The following HDAC9 variants were observed in gnomAD, a reference collection of about 807,000 sequenced individuals.
The protein encoded by HDAC9 is histone deacetylase 9.
A neutral mutation model predicts 139.4 loss-of-function variants in HDAC9; 41 were observed. That is an observed-to-expected ratio of 0.29 (90% CI 0.23 to 0.38). The LOEUF (loss-of-function observed/expected upper bound fraction) is 0.38, where lower values mean the gene tolerates loss of function less well. Among genes scored for constraint, HDAC9 ranks in the 10% least tolerant of loss-of-function variants. HDAC9 has a pLI of 1.00. For missense variants in HDAC9, 1,147 were observed against 1,297.0 expected (o/e 0.88, Z 1.78); for synonymous variants, 517 against 476.2 (o/e 1.09, Z -1.12).
At chr7:18,247,006 A>C (rs1562790346) in intron 2 of HDAC9, among the ~76,000 whole-genome samples, 1 of 152,114 alleles carries the variant, frequency 6.6e-6, no homozygotes, top group South Asian at 2.1e-4. Flanking sequence ...AACGTGAGCA[A>C]CTGGAAGGAT....
rs549327148 is a variant in HDAC9, at chr7:18,114,792, G to A, written c.-97+27579G>A. On this transcript the variant is annotated intron_variant, in intron 1 of 12. Coordinates refer to the HDAC9 transcript ENST00000417496. ...CTGCCTGATAATACTTTTTATATCTGAACGATTTAAACAAATATAGCTGCA... is the reference window on the plus strand; with the variant it reads ...CTGCCTGATAATACTTTTTATATCTAAACGATTTAAACAAATATAGCTGCA... 5.1e-4 allele frequency among the ~76,000 whole-genome samples: 78 copies of A among 152,184 alleles called. 1 individual carries two copies. The highest frequency in any genetic ancestry group is 1.1e-3 in the Non-Finnish European group (73 of 68,036).
intron 1 of HDAC9, among the ~76,000 whole-genome samples, chr7:18,116,972 A>G (rs1784032540): frequency 6.6e-6 from 1 of 152,230 alleles, no homozygotes; most frequent in African/African-American, 2.4e-5. Context: ...TTTTTGTTAC[A>G]ATCATTCTGA....
At chr7:18,437,525 A>ATG (rs990199885) in intron 1 of HDAC9, among the ~76,000 whole-genome samples, 4 of 150,496 alleles carry the variant, frequency 2.7e-5, no homozygotes, top group African/African-American at 9.7e-5. Flanking sequence ...CTTCCAGATA[A>ATG]TGTGTATATA....
At chr7:18,736,949 G>A (rs1227639156) in intron 13 of HDAC9, among the ~76,000 whole-genome samples, 2 of 151,880 alleles carry the variant, frequency 1.3e-5, no homozygotes, top group Non-Finnish European at 2.9e-5. Context: ...AACTTCTTCC[G>A]GCTTTAGTCT....
intron 2 of HDAC9, among the ~76,000 whole-genome samples, chr7:18,540,420 G>A (rs1388082491): frequency 6.6e-6 from 1 of 151,882 alleles, no homozygotes; most frequent in Non-Finnish European, 1.5e-5. Flanking sequence ...AATATTCATT[G>A]AATCCTAATG....
rs114607859 is a variant in HDAC9 at position 18,896,029 on chromosome 7, G to A, written c.2803+21433G>A. ...AAGAAAATCTCAAAAAGGAGCAGCT[G>A]CAGTTTTCATTAATGCCGAAGGGAA... On this transcript the variant is annotated intron_variant, in intron 22 of 25. Transcript: ENST00000686413. 5.6e-3 allele frequency among the ~76,000 whole-genome samples: 850 copies of A among 152,166 alleles called. 5 individuals are homozygous for A. Among genetic ancestry groups the A allele is most frequent in the African/African-American group, 0.019 (807 of 41,538 alleles).
At chr7:18,970,766 G>A (rs558011273) in intron 24 of HDAC9, among the ~76,000 whole-genome samples, 21 of 151,864 alleles carry the variant, frequency 1.4e-4, no homozygotes, top group Admixed American at 3.9e-4. Context: ...ATGAGAACCC[G>A]GTGTGTAAAG....
At chr7:18,188,979 A>C (rs1015038251) in intron 2 of HDAC9, among the ~76,000 whole-genome samples, 1 of 152,220 alleles carries the variant, frequency 6.6e-6, no homozygotes, top group African/African-American at 2.4e-5. Flanking sequence ...TTGACCCAGC[A>C]ATCCCATTAC....
chr7:18,812,866 T>C (rs1201578970), intron 17 of HDAC9, among the ~76,000 whole-genome samples: 1 of 152,138 alleles, frequency 6.6e-6, no homozygotes, highest in East Asian at 1.9e-4. Context: ...TTTGCACTTT[T>C]GTTTTTCTTG....
chr7:18,140,835 A>G (rs1377282996), intron 1 of HDAC9, among the ~76,000 whole-genome samples: 1 of 151,902 alleles, frequency 6.6e-6, no homozygotes, highest in East Asian at 1.9e-4. Context: ...CACCTTAAAA[A>G]CAAAGCAATT....
chr7:18,555,236 G>A (rs1818435071), intron 2 of HDAC9, among the ~76,000 whole-genome samples: 1 of 152,084 alleles, frequency 6.6e-6, no homozygotes, highest in South Asian at 2.1e-4. Flanking sequence ...CAAGTTCATG[G>A]TATTTGATTC....
chr7:18,541,695 G>C lies in HDAC9; in HGVS notation c.23-43586G>C, dbSNP rs539630749. On this transcript the variant is annotated intron_variant, in intron 2 of 25. Coordinates refer to ENST00000686413, the MANE Select transcript of HDAC9 (RefSeq NM_178425.4). ...TATCTGTACAGTGACTGAAATACAA[G>C]GGCCCTCTCTAAATGAATTATGTGT... Among the ~76,000 whole-genome samples, 11 of 152,194 alleles carry C rather than the reference G, an allele frequency of 7.2e-5. No individual in the cohort carries two copies. In the South Asian group the frequency reaches 2.1e-3, roughly 29 times the overall value.
intron 15 of HDAC9, among the ~76,000 whole-genome samples, chr7:18,765,463 T>C (rs1339213590): frequency 2.6e-5 from 4 of 151,942 alleles, no homozygotes; most frequent in African/African-American, 9.7e-5. Context: ...CTACTAAAAA[T>C]ACAAAAATTA....
intron 12 of HDAC9, among the ~76,000 whole-genome samples, chr7:18,686,078 C>G (rs1461072903): frequency 6.6e-6 from 1 of 151,926 alleles, no homozygotes; most frequent in Non-Finnish European, 1.5e-5. Context: ...TGATAGAGCT[C>G]AGATTCCATC....
intron 1 of HDAC9, among the ~76,000 whole-genome samples, chr7:18,415,362 C>G (rs1788957622): frequency 6.6e-6 from 1 of 152,322 alleles, no homozygotes; most frequent in South Asian, 2.1e-4. Context: ...TTGGTAGCTA[C>G]TGTTAGGAGC....
chr7:18,926,442 T>C (rs932903264), intron 22 of HDAC9, among the ~76,000 whole-genome samples: 2 of 152,220 alleles, frequency 1.3e-5, no homozygotes, highest in Admixed American at 6.5e-5. Context: ...TGATTAAATA[T>C]TCATTTCAAA....
In HDAC9 at chr7:18,490,229, T is replaced by C. The variant is rs538164108; in HGVS notation, c.-41-6033T>C. 3.3e-5 allele frequency among the ~76,000 whole-genome samples: 5 copies of C among 152,160 alleles called. No homozygotes were observed. The East Asian group carries it at 9.7e-4, about 29-fold the overall frequency. On this transcript the variant is annotated intron_variant, in intron 1 of 3. Transcript: ENST00000413509. ...GCATCAGAATTACTTGGAGGGCTGA[T>C]TAAAATACAGATTCCTTCCAGAGAT...
intron 16 of HDAC9, among the ~76,000 whole-genome samples, chr7:18,769,048 T>C (rs1394558964): frequency 6.6e-6 from 1 of 152,190 alleles, no homozygotes; most frequent in Non-Finnish European, 1.5e-5. Context: ...TAAATTCTTT[T>C]TTGACTAAGG....
At chr7:18,896,664 A>G (rs1371707305) in intron 22 of HDAC9, among the ~76,000 whole-genome samples, 1 of 152,128 alleles carries the variant, frequency 6.6e-6, no homozygotes, top group Non-Finnish European at 1.5e-5. Flanking sequence ...TCCATGCCAG[A>G]CTAAATAATT....
Sources: gnomAD v4.1 joint callset for allele counts (sites outside exome capture counted in the v4.1 genomes callset) on GRCh38, gnomAD v4.1.1 for gene constraint, MANE v1.5 for transcripts, NCBI Gene and HGNC (gene_info 2026-07-23, HGNC 2026-07-21) for gene names.